RASGRF1: variants seen among roughly 807,000 people sequenced by gnomAD.
RASGRF1 encodes Ras protein specific guanine nucleotide releasing factor 1.
A neutral mutation model predicts 138.7 loss-of-function variants in RASGRF1; 40 were observed. That is an observed-to-expected ratio of 0.29 (90% confidence interval 0.22 to 0.38). The LOEUF is 0.38. Ranked by LOEUF, RASGRF1 falls within the 10% of genes least tolerant of loss-of-function variation. RASGRF1 has a pLI of 1.00. For synonymous variants in RASGRF1, 614 were observed against 663.2 expected (o/e 0.93, Z 1.14); for missense variants, 1,108 against 1,650.4 (o/e 0.67, Z 5.69).
At position 79,058,434 on chromosome 15, in the gene RASGRF1, A is replaced by C. The variant is rs769871946; in HGVS notation, c.431T>G (p.Leu144Arg). Residue 144 changes from leucine to arginine, a missense_variant, in exon 3 of 27, where the codon CTG (leucine) becomes CGG (arginine). Leu to Arg is a moderately radical substitution (Grantham distance 102). This residue lies in a region of RASGRF1 where 253 missense variants were observed against 329.5 expected (regional missense o/e 0.77). Coordinates refer to ENST00000558480, the MANE Select transcript of RASGRF1 (RefSeq NM_001145648.3). ...TEHEALMQKY[L>R]HLLQIVETEK... ...TGTCTCCACGATCTGCAGCAGGTGC[A>C]GGTATTTCTGCATTAATGCCTCATG... 1 of 1,614,218 alleles carries C rather than the reference A, an allele frequency of 6.2e-7. No individual in the cohort carries two copies. The highest frequency in any genetic ancestry group is 1.7e-5 in the Admixed American group (1 of 60,034).
At chr15:79,015,231 C>T (rs1346205148) in intron 13 of RASGRF1, 96 bp downstream of exon 13, 4 of 1,234,576 alleles carry the variant, frequency 3.2e-6, no homozygotes, top group Middle Eastern at 1.9e-4. Flanking sequence ...CATCTCTGAA[C>T]CCCAGTAGCT....
chr15:78,985,616 A>G, intron 22 of RASGRF1: 1 of 172,600 alleles, frequency 5.8e-6, no homozygotes, highest in South Asian at 1.3e-4. Flanking sequence ...TGTTTAATGT[A>G]ATCCAATAAA....
chr15:79,025,572 G>A, intron 9 of RASGRF1, 98 bp from the exon 10 acceptor site: 1 of 1,403,218 alleles, frequency 7.1e-7, no homozygotes, highest in Non-Finnish European at 9.7e-7. Flanking sequence ...GCAGCAGTGG[G>A]ACAAGTCCAT....
In RASGRF1 at chr15:79,062,744, A is replaced by C. The variant is rs567687122; in HGVS notation, c.383+1676T>G. Among the ~76,000 whole-genome samples the C allele has an allele frequency of 6.6e-5, 10 of 152,126 alleles. No homozygotes were observed. In the South Asian group the frequency reaches 1.9e-3, roughly 28 times the overall value. On this transcript the variant is annotated intron_variant, in intron 2 of 26. Transcript: ENST00000558480. Reference sequence around the variant, plus strand: ...TTTTTAGTAGAGATGGGGCTTCACCATGTTGGCCAGGCTGGTCTCCAACTG... The same window carrying C: ...TTTTTAGTAGAGATGGGGCTTCACCCTGTTGGCCAGGCTGGTCTCCAACTG...
rs1055693177 is a variant in RASGRF1 at position 79,002,587 on chromosome 15, A to C, written c.2450-800T>G. ...TACACACACACACAGTTTGGCACAT[A>C]ATTAGATTCATGGGCTCCTGGATCA... On this transcript the variant is annotated intron_variant, in intron 15 of 26. Coordinates refer to ENST00000558480, the MANE Select transcript of RASGRF1 (RefSeq NM_001145648.3). Among the ~76,000 whole-genome samples the C allele has an allele frequency of 7.9e-5, 12 of 152,186 alleles. No individual in the cohort carries two copies. The South Asian group carries it at 2.5e-3, about 32-fold the overall frequency.
chr15:78,967,618 C>A (rs1008987933), intron 26 of RASGRF1, among the ~76,000 whole-genome samples: 1 of 152,110 alleles, frequency 6.6e-6, no homozygotes, highest in Admixed American at 6.5e-5. Context: ...CTTAAAGTTA[C>A]ATATGTAGCT....
intron 9 of RASGRF1, 96 bp from the exon 10 acceptor site, chr15:79,025,570 G>T: frequency 7.1e-7 from 1 of 1,411,042 alleles, no homozygotes; most frequent in Non-Finnish European, 9.7e-7. Flanking sequence ...CAGCAGCAGT[G>T]GGACAAGTCC....
intron 1 of RASGRF1, among the ~76,000 whole-genome samples, chr15:79,072,485 C>T (rs1258694044): frequency 6.6e-6 from 1 of 151,822 alleles, no homozygotes; most frequent in Non-Finnish European, 1.5e-5. Flanking sequence ...CCGTGTTAGC[C>T]AGGATGGTCT....
chr15:78,993,815 T>C (rs1011709308), intron 20 of RASGRF1, among the ~76,000 whole-genome samples: 2 of 152,118 alleles, frequency 1.3e-5, no homozygotes, highest in Non-Finnish European at 2.9e-5. Context: ...GAAGAGGCAT[T>C]CTGGCCAAGG....
intron 5 of RASGRF1, among the ~76,000 whole-genome samples, chr15:79,036,639 T>G (rs908870757): frequency 1.3e-5 from 2 of 151,940 alleles, no homozygotes; most frequent in Non-Finnish European, 2.9e-5. Flanking sequence ...AGGGGCCAGT[T>G]GATGGAGGGG....
intron 25 of RASGRF1, among the ~76,000 whole-genome samples, chr15:78,972,655 C>T (rs2055788490): frequency 6.6e-6 from 1 of 152,014 alleles, no homozygotes; most frequent in African/African-American, 2.4e-5. Context: ...CTGAAAAAAC[C>T]CTTTCCATCC....
At chr15:79,057,194 G>A (rs1284613893) in intron 3 of RASGRF1, among the ~76,000 whole-genome samples, 5 of 150,976 alleles carry the variant, frequency 3.3e-5, no homozygotes, top group Non-Finnish European at 7.3e-5. Flanking sequence ...GCGCCCCATG[G>A]TGTCGCAGGG....
intron 12 of RASGRF1, among the ~76,000 whole-genome samples, chr15:79,017,097 T>A (rs2056889813): frequency 6.6e-6 from 1 of 152,204 alleles, no homozygotes; most frequent in Admixed American, 6.5e-5. Context: ...ACAGCCTCTT[T>A]ATAGACTCAA....
At chr15:78,982,103 C>A (rs973432481) in intron 23 of RASGRF1, among the ~76,000 whole-genome samples, 1 of 152,200 alleles carries the variant, frequency 6.6e-6, no homozygotes, top group Non-Finnish European at 1.5e-5. Context: ...ACTCCTCTTG[C>A]CTTTATGGGC....
chr15:79,056,079 G>A (rs957756062), intron 3 of RASGRF1, among the ~76,000 whole-genome samples: 2 of 152,182 alleles, frequency 1.3e-5, no homozygotes, highest in Admixed American at 1.3e-4. Context: ...GTCCCCCAGG[G>A]TGAGGCGTTT....
intron 5 of RASGRF1, among the ~76,000 whole-genome samples, chr15:79,038,161 C>T (rs570378267): frequency 2.0e-5 from 3 of 152,236 alleles, no homozygotes; most frequent in South Asian, 2.1e-4. Flanking sequence ...GGATTGGGGA[C>T]CCCTGATATA....
intron 5 of RASGRF1, among the ~76,000 whole-genome samples, chr15:79,039,969 A>G (rs975131464): frequency 6.6e-6 from 1 of 152,062 alleles, no homozygotes; most frequent in African/African-American, 2.4e-5. Flanking sequence ...GGATCTCCCT[A>G]TGTTGCCCGG....
chr15:78,983,752 G>C (rs1322102257), intron 23 of RASGRF1, among the ~76,000 whole-genome samples: 1 of 152,258 alleles, frequency 6.6e-6, no homozygotes, highest in Non-Finnish European at 1.5e-5. Flanking sequence ...CATGTACCAT[G>C]TTTGGCTAGA....
chr15:79,059,991 G>GAC (rs941037876), intron 2 of RASGRF1, among the ~76,000 whole-genome samples: 804 of 31,550 alleles, frequency 0.025, 7 homozygotes, highest in East Asian at 0.11. Flanking sequence ...CAGACACACA[G>GAC]ACACACACAC....
Sources: allele counts gnomAD v4.1 joint callset (sites outside exome capture counted in the v4.1 genomes callset), GRCh38; gene constraint gnomAD v4.1.1; regional missense constraint gnomAD v4.1.1; transcripts MANE v1.5; gene names NCBI Gene and HGNC (gene_info 2026-07-23, HGNC 2026-07-21).